The following GNG2 variants were observed in gnomAD, a reference collection of about 807,000 sequenced individuals.
The protein encoded by GNG2 is G protein subunit gamma 2.
In GNG2, 5 loss-of-function variants were observed where a neutral mutation model predicts 5.5. The observed-to-expected ratio is 0.91, with a 90% confidence interval of 0.48 to 1.92. GNG2 has a LOEUF of 1.92. Ranked by LOEUF, GNG2 falls within the 30% of genes most tolerant of loss-of-function variation. The pLI, the probability that GNG2 is intolerant of heterozygous loss-of-function variation, is 0.01. For missense variants in GNG2, 55 were observed against 88.4 expected, an observed-to-expected ratio of 0.62 and a Z score of 1.52; for synonymous variants, 28 against 32.0, an observed-to-expected ratio of 0.88 and a Z score of 0.42.
At chr14:51,887,603 A>G (rs1280660330) in intron 2 of GNG2, among the ~76,000 whole-genome samples, 1 of 152,192 alleles carries the variant, frequency 6.6e-6, no homozygotes, top group East Asian at 1.9e-4. Flanking sequence ...TGACTTGGGA[A>G]GTTCTGGGAC....
At chr14:51,844,875 G>T (rs554886647) in intron 2 of GNG2, among the ~76,000 whole-genome samples, 1 of 152,112 alleles carries the variant, frequency 6.6e-6, no homozygotes, top group Non-Finnish European at 1.5e-5. Flanking sequence ...ACAGGCGCAC[G>T]CCACCAGGCC....
At chr14:51,942,592 T>TCTTTCTTTTTCTTTCTTTCTTTC (rs574783206) in intron 2 of GNG2, among the ~76,000 whole-genome samples, 1 of 132,154 alleles carries the variant, frequency 7.6e-6, no homozygotes, top group African/African-American at 2.9e-5. Context: ...TTTCTTTCTT[T>TCTTTCTTTTTCTTTCTTTCTTTC]TTTTTTTTTT....
chr14:51,875,214 G>A (rs182818811), intron 1 of GNG2, among the ~76,000 whole-genome samples: 2 of 152,294 alleles, frequency 1.3e-5, no homozygotes, highest in Admixed American at 1.3e-4. Context: ...CTTCTATCCT[G>A]TTTTTCTATC....
Position 51,881,005 on chromosome 14 carries a change from T to C in GNG2, c.-30+3348T>C, listed in dbSNP as rs116135411. Reference sequence around the variant, plus strand: ...AAAAAAAAACCCTGAGATTCAGAACTGAGAAGCAGCAGCCACGTTTATAGT... The same window carrying C: ...AAAAAAAAACCCTGAGATTCAGAACCGAGAAGCAGCAGCCACGTTTATAGT... On this transcript the variant is annotated intron_variant, in intron 2 of 3. Transcript: ENST00000556766. 9.2e-3 allele frequency among the ~76,000 whole-genome samples: 1,255 copies of C among 136,586 alleles called. 27 individuals carry two copies. Among genetic ancestry groups the C allele is most frequent in the African/African-American group, 0.032 (1,196 of 37,726 alleles). 89.6% of individuals were successfully genotyped at this position (136,586 alleles called of 152,430 possible). A position where few individuals can be genotyped will look rare whatever the true frequency, so the allele number is the denominator to read the frequency against.
chr14:51,904,763 T>G (rs577821522), intron 2 of GNG2, among the ~76,000 whole-genome samples: 5 of 152,232 alleles, frequency 3.3e-5, no homozygotes, highest in Non-Finnish European at 5.9e-5. Flanking sequence ...ATTGTGAGAT[T>G]CAAGTTGAGT....
chr14:51,935,676 T>C (rs1381804289), intron 2 of GNG2, among the ~76,000 whole-genome samples: 1 of 152,066 alleles, frequency 6.6e-6, no homozygotes. Flanking sequence ...TTCTTTTCTT[T>C]TTCTTTCTTT....
intron 2 of GNG2, among the ~76,000 whole-genome samples, chr14:51,909,098 A>G (rs1886136271): frequency 6.6e-6 from 1 of 152,166 alleles, no homozygotes; most frequent in South Asian, 2.1e-4. Flanking sequence ...TTAACAGTAT[A>G]TTATGGATAT....
At chr14:51,927,062 AT>A (rs1887373891) in intron 2 of GNG2, among the ~76,000 whole-genome samples, 1 of 152,184 alleles carries the variant, frequency 6.6e-6, no homozygotes, top group African/African-American at 2.4e-5. Flanking sequence ...CTTTACTCTG[AT>A]CCCATTCTCT....
At chr14:51,846,056 A>G (rs1268087351) in intron 2 of GNG2, among the ~76,000 whole-genome samples, 1 of 152,196 alleles carries the variant, frequency 6.6e-6, no homozygotes, top group African/African-American at 2.4e-5. Flanking sequence ...AGCTGCCAAA[A>G]ATTAACAGTA....
At chr14:51,843,320 C>G (rs1353578318) in intron 2 of GNG2, among the ~76,000 whole-genome samples, 25 of 152,170 alleles carry the variant, frequency 1.6e-4, no homozygotes, top group Admixed American at 1.6e-3. Context: ...TACCTCCTCA[C>G]AGACATACCC....
At position 51,968,053 on chromosome 14, in the gene GNG2, A is replaced by T. The variant is rs35178030; in HGVS notation, c.*1366A>T. 1.3e-5 allele frequency: 2 copies of T among 152,122 alleles called. No homozygotes were observed. Among genetic ancestry groups the T allele is most frequent in the Admixed American group, 1.3e-4 (2 of 15,278 alleles). 9.4% of individuals were successfully genotyped at this position (152,122 alleles called of 1,614,324 possible). ...GATGGTCTTGGTTTTTCACTTAACA[A>T]ATTTTTTAATGGAATCTTTGTTTTT... On this transcript the variant is annotated 3_prime_UTR_variant, in exon 4 of 4. Coordinates refer to ENST00000556766, the MANE Select transcript of GNG2 (RefSeq NM_053064.5).
intron 2 of GNG2, among the ~76,000 whole-genome samples, chr14:51,895,042 A>AG (rs72523995): frequency 0.046 from 4,013 of 87,038 alleles, 76 homozygotes; most frequent in South Asian, 0.099. Flanking sequence ...ATAAAAGAAT[A>AG]GGAAAAAAAA....
chr14:51,865,832 G>T (rs116424370), intron 1 of GNG2, among the ~76,000 whole-genome samples: 1 of 152,072 alleles, frequency 6.6e-6, no homozygotes, highest in Non-Finnish European at 1.5e-5. Flanking sequence ...TTTCAGGTAA[G>T]AGTATTAGAG....
intron 2 of GNG2, among the ~76,000 whole-genome samples, chr14:51,918,997 G>A (rs907090966): frequency 6.6e-6 from 1 of 152,052 alleles, no homozygotes; most frequent in African/African-American, 2.4e-5. Flanking sequence ...GGCTAATTTT[G>A]TATTTTTAGT....
intron 2 of GNG2, among the ~76,000 whole-genome samples, chr14:51,888,960 G>A (rs981586375): frequency 1.3e-5 from 2 of 152,100 alleles, no homozygotes; most frequent in Non-Finnish European, 2.9e-5. Context: ...AAAGAAACTA[G>A]ACACAACAGG....
At chr14:51,857,853 G>T (rs928972439), upstream of GNG2, among the ~76,000 whole-genome samples, 17 of 152,292 alleles carry the variant, frequency 1.1e-4, no homozygotes, top group African/African-American at 3.6e-4. Flanking sequence ...ACAGGCTTTG[G>T]ATGAAGGTAT....
intron 3 of GNG2, among the ~76,000 whole-genome samples, chr14:51,952,802 A>G (rs886095455): frequency 2.0e-5 from 3 of 152,254 alleles, no homozygotes; most frequent in South Asian, 2.1e-4. Context: ...ATCTCAATAC[A>G]TCTCCATCCC....
At chr14:51,876,621 CT>C (rs1883687343) in intron 1 of GNG2, among the ~76,000 whole-genome samples, 1 of 149,574 alleles carries the variant, frequency 6.7e-6, no homozygotes, top group Non-Finnish European at 1.5e-5. Context: ...TTTTTTTTTT[CT>C]TTTTGCTGTC....
intron 2 of GNG2, among the ~76,000 whole-genome samples, chr14:51,930,453 G>T (rs754753166): frequency 2.0e-5 from 3 of 152,218 alleles, no homozygotes; most frequent in Non-Finnish European, 4.4e-5. Context: ...CTTAGTGCAA[G>T]CTCTTGTTCT....
Sources: allele counts gnomAD v4.1 joint callset (sites outside exome capture counted in the v4.1 genomes callset), GRCh38; gene constraint gnomAD v4.1.1; transcripts MANE v1.5; gene names NCBI Gene and HGNC (gene_info 2026-07-23, HGNC 2026-07-21).